Variants in FAM90A22 observed in about 807,000 individuals in gnomAD.
FAM90A22 encodes protein FAM90A22.
the FAM90A22 span, chr8:7,572,837 G>T: frequency 3.4e-5 from 1 of 29,048 alleles, no homozygotes; most frequent in African/African-American, 6.8e-5. Context: ...TTTCTGAGGG[G>T]AGACAGTGAA....
the FAM90A22 span, among the ~76,000 whole-genome samples, chr8:7,574,655 TAC>T: frequency 1.7e-5 from 1 of 59,292 alleles, no homozygotes; most frequent in African/African-American, 7.0e-5. Flanking sequence ...CAAACGTGGC[TAC>T]ACAGGACTCT....
At chr8:7,573,326 C>T in the FAM90A22 span, among the ~76,000 whole-genome samples, 1 of 102,646 alleles carries the variant, frequency 9.7e-6, no homozygotes, top group African/African-American at 3.3e-5. Context: ...ATGCCTGTTC[C>T]TGGGTTTCGC....
the FAM90A22 span, among the ~76,000 whole-genome samples, chr8:7,573,139 A>G: frequency 2.0e-5 from 1 of 49,884 alleles, no homozygotes; most frequent in Non-Finnish European, 4.6e-5. Flanking sequence ...CACATGAAAG[A>G]TGCGCTCTCG....
chr8:7,573,453 GAT>G, the FAM90A22 span, among the ~76,000 whole-genome samples: 1 of 96,382 alleles, frequency 1.0e-5, no homozygotes, highest in Non-Finnish European at 2.5e-5. Context: ...GGCATGTTCA[GAT>G]GCCTTCGCCT....
At chr8:7,573,962 T>TG in the FAM90A22 span, among the ~76,000 whole-genome samples, 2 of 144,774 alleles carry the variant, frequency 1.4e-5, no homozygotes, top group African/African-American at 5.2e-5. Context: ...CCCGCTGTCG[T>TG]GGGGAACCTG....
chr8:7,572,822 T>A, the FAM90A22 span: 1 of 24,916 alleles, frequency 4.0e-5, no homozygotes, highest in African/African-American at 7.2e-5. Context: ...GAGCTCAGGC[T>A]GGTTTTTCTG....
At chr8:7,573,431 A>C in the FAM90A22 span, among the ~76,000 whole-genome samples, 13 of 98,992 alleles carry the variant, frequency 1.3e-4, no homozygotes, top group African/African-American at 4.1e-4. Context: ...GAAAGAAAGC[A>C]ACAGGAAATA....
At chr8:7,572,591 G>A in the FAM90A22 span, 121 of 76,298 alleles carry the variant, frequency 1.6e-3, 2 homozygotes, top group Admixed American at 0.022. Flanking sequence ...CAGGGCTGTG[G>A]GGTCACCGCA....
chr8:7,572,712 C>A, the FAM90A22 span: 2 of 34,640 alleles, frequency 5.8e-5, 1 homozygote, highest in African/African-American at 1.4e-4. Context: ...GTGTCGGCTT[C>A]ACCTCGAGAA....
At chr8:7,573,914 TC>T in the FAM90A22 span, among the ~76,000 whole-genome samples, 1 of 136,830 alleles carries the variant, frequency 7.3e-6, no homozygotes, top group Non-Finnish European at 1.6e-5. Context: ...CCTCTAGGCT[TC>T]CCAACTAAGG....
At chr8:7,573,380 C>T in the FAM90A22 span, among the ~76,000 whole-genome samples, 27 of 100,584 alleles carry the variant, frequency 2.7e-4, no homozygotes, top group African/African-American at 7.9e-4. Flanking sequence ...TTCCTCATGC[C>T]GCTAGGAACG....
At chr8:7,572,849 C>T in the FAM90A22 span, 2 of 35,650 alleles carry the variant, frequency 5.6e-5, no homozygotes, top group African/African-American at 1.3e-4. Flanking sequence ...GACAGTGAAG[C>T]CAAGACGGAG....
At chr8:7,572,287 G>A in the FAM90A22 span, 1 of 4,234 alleles carries the variant, frequency 2.4e-4, no homozygotes, top group Non-Finnish European at 5.6e-4. Context: ...GGGCAGGCAA[G>A]GTCTGCTGTG....
the FAM90A22 span, chr8:7,572,638 AGCAGGCCGT>A: frequency 1.6e-5 from 1 of 64,442 alleles, no homozygotes; most frequent in Non-Finnish European, 3.4e-5. Flanking sequence ...GGAGGCCTGG[AGCAGGCCGT>A]GGGTTTTGGA....
At chr8:7,573,414 T>A in the FAM90A22 span, among the ~76,000 whole-genome samples, 18 of 98,996 alleles carry the variant, frequency 1.8e-4, no homozygotes, top group African/African-American at 4.5e-4. Context: ...CTTGCCATAA[T>A]TGGACAGAAA....
chr8:7,572,216 G>A, the FAM90A22 span: 1 of 26,852 alleles, frequency 3.7e-5, no homozygotes, highest in African/African-American at 2.6e-4. Context: ...AGCACTCTGA[G>A]AGGCTGGGCC....
chr8:7,574,232 C>G, the FAM90A22 span: 1 of 509,320 alleles, frequency 2.0e-6, no homozygotes, highest in African/African-American at 2.5e-5. Context: ...TTCAAGGGCC[C>G]CGGGTTGGCT....
chr8:7,572,231 C>G, the FAM90A22 span: 1 of 27,232 alleles, frequency 3.7e-5, no homozygotes, highest in African/African-American at 2.6e-4. Flanking sequence ...TGGGCCCCAT[C>G]ATGGCCGGCC....
the FAM90A22 span, chr8:7,572,201 G>A: frequency 3.8e-5 from 1 of 26,500 alleles, no homozygotes; most frequent in East Asian, 6.6e-4. Flanking sequence ...TCCAGTCTCC[G>A]GAAGAGCACT....
Sources: allele counts gnomAD v4.1 joint callset (sites outside exome capture counted in the v4.1 genomes callset), GRCh38; gene constraint gnomAD v4.1.1; transcripts MANE v1.5; gene names NCBI Gene and HGNC (gene_info 2026-07-23, HGNC 2026-07-21).